MCMBP: variants seen among roughly 807,000 people sequenced by gnomAD.
The protein encoded by MCMBP is mini-chromosome maintenance complex-binding protein.
Under a neutral mutation model 81.3 loss-of-function variants are expected in MCMBP, and 31 were observed. That is an observed-to-expected ratio of 0.38 (90% CI 0.29 to 0.51). The LOEUF (loss-of-function observed/expected upper bound fraction) is 0.51, where lower values mean the gene tolerates loss of function less well. Ranked by LOEUF, MCMBP falls within the 20% of genes least tolerant of loss-of-function variation. The probability of loss-of-function intolerance (pLI) is 0.87; values close to 1 mark genes in which losing one functional copy is unlikely to be tolerated. For synonymous variants in MCMBP, 267 were observed against 275.9 expected, an observed-to-expected ratio of 0.97 and a Z score of 0.32; for missense variants, 645 against 772.1, an observed-to-expected ratio of 0.84 and a Z score of 1.95.
intron 1 of MCMBP, among the ~76,000 whole-genome samples, chr10:119,869,033 T>A (rs564062990): frequency 4.3e-4 from 66 of 152,296 alleles, no homozygotes; most frequent in Middle Eastern, 6.8e-3. Context: ...ACTGAAGGAC[T>A]TGGTTCCAGT....
chr10:119,840,949 C>T lies in MCMBP; in HGVS notation c.1136G>A (p.Arg379Lys). ...LHLISTVYTR[R>K]DVLPLGKFTV... ...AAATTTTCCTAGTGGAAGGACATCT[C>T]TTCTTGTATATCTAGAAAAGAAAGA... The change falls in exon 11 of 16, where the codon AGA (arginine) becomes AAA (lysine). Residue 379 changes from arginine to lysine, a missense_variant. Coordinates refer to ENST00000369077, the MANE Select transcript of MCMBP (RefSeq NM_001256378.2). 1.9e-6 allele frequency: 3 copies of T among 1,587,714 alleles called. No homozygotes were observed. The highest frequency in any genetic ancestry group is 2.7e-5 in the African/African-American group (2 of 74,430).
At chr10:119,842,629 A>ACACTC (rs764280951) in intron 9 of MCMBP, 34 bp from the exon 10 acceptor site, 1 of 1,604,138 alleles carries the variant, frequency 6.2e-7, no homozygotes, top group Non-Finnish European at 8.5e-7. Context: ...GTCAGGACAC[A>ACACTC]CACTCCAGTT....
intron 6 of MCMBP, among the ~76,000 whole-genome samples, chr10:119,850,576 C>T (rs549199576): frequency 3.3e-5 from 5 of 151,858 alleles, no homozygotes; most frequent in South Asian, 2.1e-4. Flanking sequence ...GGTGAAACCC[C>T]GTCTCTACTA....
intron 1 of MCMBP, among the ~76,000 whole-genome samples, chr10:119,871,365 A>T (rs1047646555): frequency 2.0e-5 from 3 of 151,862 alleles, no homozygotes; most frequent in African/African-American, 7.3e-5. Context: ...TTCAAGTATG[A>T]AGGTAGTTTT....
intron 6 of MCMBP, 87 bp downstream of exon 6, chr10:119,852,963 T>C (rs543083918): frequency 1.2e-5 from 17 of 1,472,594 alleles, no homozygotes; most frequent in East Asian, 2.3e-5. Context: ...CTCCTAAATA[T>C]AGAGCTATAT....
intron 1 of MCMBP, among the ~76,000 whole-genome samples, chr10:119,863,250 G>C (rs754348510): frequency 2.6e-5 from 4 of 151,984 alleles, no homozygotes; most frequent in Non-Finnish European, 4.4e-5. Context: ...ACAAAGATCT[G>C]TTTTCTTCTA....
chr10:119,852,359 C>T (rs1852863457), intron 6 of MCMBP, among the ~76,000 whole-genome samples: 1 of 151,960 alleles, frequency 6.6e-6, no homozygotes, highest in South Asian at 2.1e-4. Context: ...CCCACCATAA[C>T]AAAGAAATCC....
intron 5 of MCMBP, 43 bp downstream of exon 5, chr10:119,857,295 T>C: frequency 7.2e-7 from 1 of 1,385,744 alleles, no homozygotes. Flanking sequence ...GGCTAAGTTT[T>C]TAGAAACCAT....
intron 1 of MCMBP, among the ~76,000 whole-genome samples, chr10:119,861,572 T>C (rs1297426561): frequency 6.6e-6 from 1 of 151,850 alleles, no homozygotes; most frequent in Non-Finnish European, 1.5e-5. Flanking sequence ...GTATTCAAAA[T>C]GGATGTTTAA....
At chr10:119,856,439 G>A (rs1853046733) in intron 5 of MCMBP, among the ~76,000 whole-genome samples, 1 of 152,148 alleles carries the variant, frequency 6.6e-6, no homozygotes, top group Non-Finnish European at 1.5e-5. Flanking sequence ...AACACAAGAT[G>A]TCAGACACAA....
intron 15 of MCMBP, 134 bp from the exon 16 acceptor site, chr10:119,831,734 A>C: frequency 9.5e-7 from 1 of 1,051,264 alleles, no homozygotes; most frequent in South Asian, 1.7e-5. Context: ...GTTACACACA[A>C]GTCAACAGCC....
At chr10:119,862,137 T>C (rs1853279432) in intron 1 of MCMBP, among the ~76,000 whole-genome samples, 1 of 152,146 alleles carries the variant, frequency 6.6e-6, no homozygotes. Flanking sequence ...TGAAACCCCT[T>C]TTCTACTAAA....
At chr10:119,848,291 CAT>C (rs1424293591) in intron 7 of MCMBP, among the ~76,000 whole-genome samples, 1 of 152,094 alleles carries the variant, frequency 6.6e-6, no homozygotes, top group Non-Finnish European at 1.5e-5. Context: ...GTCCCTGTGC[CAT>C]ATGACTTAAG....
Position 119,838,615 on chromosome 10 carries a change from C to G in MCMBP, c.1328G>C (p.Ser443Thr), listed in dbSNP as rs1852332646. Residue 443 changes from serine (S) to threonine (T), a missense_variant, in exon 12 of 16, where the codon AGT becomes ACT. Transcript: ENST00000369077. ...HKDYTANRLV[S>T]GLLQLPSNTS... The stretch of plus-strand genomic sequence containing the variant: ...ATTGCTGGGCAGCTGGAGGAGCCCA[C>G]TGACCAAGCGATTGGCTGTGTAGTC... 2 of 1,614,136 alleles carry G rather than the reference C, an allele frequency of 1.2e-6. No homozygotes were observed. The highest frequency in any genetic ancestry group is 1.7e-6 in the Non-Finnish European group (2 of 1,179,990).
chr10:119,831,959 A>G, intron 15 of MCMBP, 53 bp downstream of exon 15: 4 of 1,490,566 alleles, frequency 2.7e-6, no homozygotes, highest in African/African-American at 1.4e-5. Context: ...AATAACTCAG[A>G]AGACATATAC....
At position 119,872,823 on chromosome 10, in the gene MCMBP, C is replaced by T. The variant is rs1853749661; in HGVS notation, c.-239G>A. On this transcript the variant is annotated 5_prime_UTR_variant, in exon 1 of 16. Transcript: ENST00000369077. The stretch of plus-strand genomic sequence containing the variant: ...CAGTCAGGCGGGCGCGTACGGGCCC[C>T]TAGCCTTCACTTCGCACAATGGCGG... 6.0e-6 allele frequency: 1 copy of T among 165,914 alleles called. No individual in the cohort carries two copies. Among genetic ancestry groups the T allele is most frequent in the African/African-American group, 2.4e-5 (1 of 41,588 alleles). The allele number at this position is 165,914 out of a possible 1,614,324, so 10.3% of individuals were successfully genotyped here.
Position 119,871,573 on chromosome 10 carries a change from C to T in MCMBP, c.58+954G>A, listed in dbSNP as rs1236062299. The stretch of plus-strand genomic sequence containing the variant: ...AGAAATACCATACATTGTTTGCCGT[C>T]GATTTTGGCTGCTGAGGATGATTTA... On this transcript the variant is annotated intron_variant, in intron 1 of 15. Coordinates refer to ENST00000369077, the MANE Select transcript of MCMBP (RefSeq NM_001256378.2). 4.6e-5 allele frequency among the ~76,000 whole-genome samples: 7 copies of T among 152,106 alleles called. No individual in the cohort carries two copies. In the East Asian group the frequency reaches 1.3e-3, roughly 29 times the overall value.
At chr10:119,843,676 T>A (rs555068943) in intron 8 of MCMBP, among the ~76,000 whole-genome samples, 207 of 152,264 alleles carry the variant, frequency 1.4e-3, no homozygotes, top group Non-Finnish European at 2.3e-3. Context: ...TTTTATTTTT[T>A]TTTTGGATGG....
At chr10:119,851,018 G>A (rs997802382) in intron 6 of MCMBP, among the ~76,000 whole-genome samples, 3 of 151,224 alleles carry the variant, frequency 2.0e-5, no homozygotes, top group African/African-American at 2.4e-5. Flanking sequence ...GATTACAGGC[G>A]TGCACCACCA....
Sources: gnomAD v4.1 joint callset for allele counts (sites outside exome capture counted in the v4.1 genomes callset) on GRCh38, gnomAD v4.1.1 for gene constraint, MANE v1.5 for transcripts, NCBI Gene and HGNC (gene_info 2026-07-23, HGNC 2026-07-21) for gene names.